Variants in RSAD2 observed in about 807,000 individuals in gnomAD.
RSAD2 encodes S-adenosylmethionine-dependent nucleotide dehydratase RSAD2.
In RSAD2, 38 loss-of-function variants were observed where a neutral mutation model predicts 37.7. That is an observed-to-expected ratio of 1.01 (90% CI 0.78 to 1.32). The LOEUF (loss-of-function observed/expected upper bound fraction) is 1.32, where lower values mean the gene tolerates loss of function less well. RSAD2 is among the 40% of genes most tolerant of loss of function. RSAD2 has a pLI of 0.00. For synonymous variants in RSAD2, 163 were observed against 157.4 expected (o/e 1.04, Z -0.27); for missense variants, 428 against 437.5 (o/e 0.98, Z 0.19).
chr2:6,877,756 A>G, upstream of RSAD2: 1 of 1,455,182 alleles, frequency 6.9e-7, no homozygotes. Context: ...ATATAAAGAG[A>G]GTCCCTGGCA....
intron 4 of RSAD2, among the ~76,000 whole-genome samples, chr2:6,891,988 A>T (rs1002806597): frequency 3.3e-5 from 5 of 152,180 alleles, no homozygotes; most frequent in African/African-American, 1.2e-4. Context: ...TTTAATCCTG[A>T]TGTGTAAAAA....
upstream of RSAD2, among the ~76,000 whole-genome samples, chr2:6,873,072 A>G (rs921058047): frequency 1.3e-5 from 2 of 152,146 alleles, no homozygotes; most frequent in African/African-American, 4.8e-5. Context: ...CGTGGCCACA[A>G]TGATAACCAT....
At chr2:6,871,414 G>A (rs1253853748) in intron 1 of RSAD2, among the ~76,000 whole-genome samples, 2 of 152,182 alleles carry the variant, frequency 1.3e-5, no homozygotes, top group African/African-American at 4.8e-5. Context: ...ATGAATTCCT[G>A]TGATTTATGT....
chr2:6,895,816 T>C lies in RSAD2; in HGVS notation c.960T>C (p.Pro320=). 6.2e-7 allele frequency: 1 copy of C among 1,614,134 alleles called. No individual in the cohort carries two copies. Among genetic ancestry groups the C allele is most frequent in the Non-Finnish European group, 8.5e-7 (1 of 1,179,944 alleles). ...FLNCRKGRKD[P]SKSILDVGVE... is the part of the protein sequence containing the mutation. ...ACTGTAGAAAGGGACGGAAGGACCC[T>C]TCCAAGTCCATCCTGGATGTTGGTG... Residue 320 remains proline (P), a synonymous_variant, in exon 6 of 6, where the codon CCT becomes CCC. Coordinates refer to ENST00000382040, the MANE Select transcript of RSAD2 (RefSeq NM_080657.5).
At position 6,891,305 on chromosome 2, in the gene RSAD2, CA is replaced by C. The variant is rs1663624586; in HGVS notation, c.888+981del. On this transcript the variant is annotated intron_variant, in intron 4 of 5. Coordinates refer to ENST00000382040, the MANE Select transcript of RSAD2 (RefSeq NM_080657.5). ...AAAGTTGCAGTAAGAGAGGCAAGTTCATATTGTTAGCAAGAGTATAAATTAT... is the reference window on the plus strand; with the variant it reads ...AAAGTTGCAGTAAGAGAGGCAAGTTCTATTGTTAGCAAGAGTATAAATTAT... Among the ~76,000 whole-genome samples, 4 of 152,214 alleles carry C rather than the reference CA, an allele frequency of 2.6e-5. No homozygotes were observed. The South Asian group carries it at 6.2e-4, about 24-fold the overall frequency.
intron 1 of RSAD2, among the ~76,000 whole-genome samples, chr2:6,871,732 G>A (rs1427893425): frequency 6.6e-6 from 1 of 152,100 alleles, no homozygotes; most frequent in Non-Finnish European, 1.5e-5. Context: ...ATGTCTGTTA[G>A]TATATTGTCT....
At chr2:6,885,171 G>A (rs1663492191) in intron 2 of RSAD2, among the ~76,000 whole-genome samples, 1 of 152,180 alleles carries the variant, frequency 6.6e-6, no homozygotes, top group African/African-American at 2.4e-5. Context: ...CCAGAGTCCA[G>A]AGAGTCCAGA....
intron 5 of RSAD2, 85 bp downstream of exon 5, chr2:6,893,788 A>G (rs542097248): frequency 1.7e-5 from 15 of 900,544 alleles, no homozygotes; most frequent in Admixed American, 1.6e-4. Flanking sequence ...GAGCATAACT[A>G]TCTAGTACCT....
chr2:6,866,809 G>C (rs1273289837), intron 1 of RSAD2, among the ~76,000 whole-genome samples: 1 of 103,836 alleles, frequency 9.6e-6, no homozygotes, highest in African/African-American at 3.1e-5. Flanking sequence ...AACATTAGAT[G>C]AGCTGAAAGC....
Position 6,877,859 on chromosome 2 carries a change from C to T in RSAD2, c.59C>T (p.Pro20Leu). The change falls in exon 1 of 6, where the codon CCT becomes CTT. Residue 20 changes from proline to leucine, a missense_variant. Coordinates refer to ENST00000382040, the MANE Select transcript of RSAD2 (RefSeq NM_080657.5). ...AAGCTCTTGAGTGTGTTCAGGCAAC[C>T]TCTGAGCTCTCTGTGGAGGAGCCTG... is the stretch of plus-strand genomic sequence containing the variant. ...AGKLLSVFRQ[P>L]LSSLWRSLVP... 6.2e-7 allele frequency: 1 copy of T among 1,614,124 alleles called. No homozygotes were observed.
At chr2:6,878,733 G>A (rs768210924) in intron 1 of RSAD2, 107 of 728,192 alleles carry the variant, frequency 1.5e-4, no homozygotes, top group Non-Finnish European at 1.9e-4. Context: ...GCGTCTTGGA[G>A]AGAACTCAGC....
chr2:6,869,987 A>G (rs1179012932), intron 1 of RSAD2, among the ~76,000 whole-genome samples: 2 of 152,224 alleles, frequency 1.3e-5, no homozygotes, highest in Non-Finnish European at 2.9e-5. Flanking sequence ...ATCAGAGCTC[A>G]GTTGTATAAA....
At chr2:6,870,674 G>T (rs776428955) in intron 1 of RSAD2, among the ~76,000 whole-genome samples, 2 of 152,214 alleles carry the variant, frequency 1.3e-5, no homozygotes, top group Admixed American at 6.5e-5. Context: ...TTAGGAGGAA[G>T]CCTTTCCAGC....
chr2:6,870,486 C>T (rs1233834224), intron 1 of RSAD2, among the ~76,000 whole-genome samples: 6 of 152,162 alleles, frequency 3.9e-5, no homozygotes, highest in African/African-American at 7.2e-5. Context: ...TAAGTCTTCC[C>T]GAATTCATAC....
Position 6,895,996 on chromosome 2 carries a change from C to T in RSAD2, c.*54C>T. On this transcript the variant is annotated 3_prime_UTR_variant, in exon 6 of 6. Coordinates refer to ENST00000382040, the MANE Select transcript of RSAD2 (RefSeq NM_080657.5). ...ACCAGTGGGAAAACTCCTAGAGTAA[C>T]TGCCATTGTCTGCAATACTATCCCG... 2 of 1,534,312 alleles carry T rather than the reference C, an allele frequency of 1.3e-6. No homozygotes were observed. The highest frequency in any genetic ancestry group is 1.8e-6 in the Non-Finnish European group (2 of 1,120,208).
chr2:6,867,354 C>T (rs551192147), intron 1 of RSAD2, among the ~76,000 whole-genome samples: 39 of 152,316 alleles, frequency 2.6e-4, no homozygotes, highest in Non-Finnish European at 4.9e-4. Flanking sequence ...TGTGTTCTCA[C>T]GGGACCTTTC....
At chr2:6,893,044 G>A (rs1431278104) in intron 4 of RSAD2, among the ~76,000 whole-genome samples, 1 of 152,204 alleles carries the variant, frequency 6.6e-6, no homozygotes, top group African/African-American at 2.4e-5. Flanking sequence ...GATTAGTTGT[G>A]ACAGACTGTG....
chr2:6,889,192 T>C (rs1663581236), intron 3 of RSAD2, among the ~76,000 whole-genome samples: 1 of 152,152 alleles, frequency 6.6e-6, no homozygotes, highest in South Asian at 2.1e-4. Flanking sequence ...CAAACCTACA[T>C]GGAAGGGCAC....
chr2:6,878,904 G>A, intron 1 of RSAD2: 1 of 1,104,418 alleles, frequency 9.1e-7, no homozygotes, highest in South Asian at 1.3e-5. Flanking sequence ...TAGCATACAT[G>A]CACCAGATTA....
Sources: gnomAD v4.1 joint callset for allele counts (sites outside exome capture counted in the v4.1 genomes callset) on GRCh38, gnomAD v4.1.1 for gene constraint, MANE v1.5 for transcripts, NCBI Gene and HGNC (gene_info 2026-07-23, HGNC 2026-07-21) for gene names.